Variants in TRIM2 observed in about 807,000 individuals in gnomAD.
TRIM2 encodes the protein tripartite motif containing 2, also known as tripartite motif-containing protein 2.
A neutral mutation model predicts 75.2 loss-of-function variants in TRIM2; 20 were observed. That is an observed-to-expected ratio of 0.27 (90% CI 0.19 to 0.39). TRIM2 has a LOEUF of 0.39. Ranked by LOEUF, TRIM2 falls within the 10% of genes least tolerant of loss-of-function variation. The pLI is 1.00. For missense variants in TRIM2, 660 were observed against 990.8 expected (o/e 0.67, Z 4.48); for synonymous variants, 373 against 388.3 (o/e 0.96, Z 0.46).
In TRIM2 at chr4:153,314,186, C is replaced by T. The variant is rs1035788016; in HGVS notation, c.1511-1299C>T. On this transcript the variant is annotated intron_variant, in intron 6 of 11. Transcript: ENST00000338700. The stretch of plus-strand genomic sequence containing the variant: ...CTATTCTTTTAAAAGAGAGTCTAGC[C>T]GAGGCGGGCGGATCACGAGGTCAGG... Among the ~76,000 whole-genome samples, 10 of 145,000 alleles carry T rather than the reference C, an allele frequency of 6.9e-5. 1 individual carries two copies. The highest frequency in any genetic ancestry group is 2.1e-4 in the South Asian group (1 of 4,826).
intron 1 of TRIM2, among the ~76,000 whole-genome samples, chr4:153,220,645 T>C (rs902309138): frequency 2.6e-5 from 4 of 152,250 alleles, no homozygotes; most frequent in Admixed American, 6.5e-5. Context: ...GTTCACAGTA[T>C]ATATACATTT....
At chr4:153,264,941 G>A (rs1044187605) in intron 1 of TRIM2, among the ~76,000 whole-genome samples, 17 of 152,132 alleles carry the variant, frequency 1.1e-4, no homozygotes, top group African/African-American at 3.6e-4. Flanking sequence ...TTAAATTAGT[G>A]TTAAGGAGTA....
In TRIM2 at chr4:153,189,577, A is replaced by G. The variant is rs755643758; in HGVS notation, c.-49+36307A>G. Among the ~76,000 whole-genome samples, 79 of 152,114 alleles carry G rather than the reference A, an allele frequency of 5.2e-4. 1 individual carries two copies. Among genetic ancestry groups the G allele is most frequent in the Non-Finnish European group, 9.4e-4 (64 of 68,028 alleles). ...TTCTCCTGCCTAATATCCCCTGTCC[A>G]CTATTCCACCCTACACGCCAGCTCG... On this transcript the variant is annotated intron_variant, in intron 1 of 11. Coordinates refer to the TRIM2 transcript ENST00000437508.
chr4:153,304,639 G>T (rs764673189), intron 6 of TRIM2, among the ~76,000 whole-genome samples: 7 of 152,114 alleles, frequency 4.6e-5, no homozygotes, highest in Admixed American at 1.3e-4. Context: ...CTGGGACTTT[G>T]TTCTCTGAAC....
intron 1 of TRIM2, among the ~76,000 whole-genome samples, chr4:153,205,916 C>G (rs1735291453): frequency 6.6e-6 from 1 of 152,194 alleles, no homozygotes; most frequent in Non-Finnish European, 1.5e-5. Flanking sequence ...CTGGTGCGGT[C>G]CTAGAGCCCT....
At chr4:153,253,000 G>T (rs529448849) in intron 1 of TRIM2, among the ~76,000 whole-genome samples, 15 of 152,314 alleles carry the variant, frequency 9.8e-5, no homozygotes, top group Non-Finnish European at 1.6e-4. Flanking sequence ...TGCACTAAGG[G>T]TTAGTGAATT....
At chr4:153,282,468 G>C (rs76738315) in intron 3 of TRIM2, among the ~76,000 whole-genome samples, 1,867 of 152,212 alleles carry the variant, frequency 0.012, 48 homozygotes, top group African/African-American at 0.042. Context: ...CAAGGCAGGA[G>C]GATCACTTGA....
At chr4:153,205,568 C>G (rs1453395743) in intron 1 of TRIM2, among the ~76,000 whole-genome samples, 1 of 151,946 alleles carries the variant, frequency 6.6e-6, no homozygotes, top group Non-Finnish European at 1.5e-5. Context: ...CTGGTGAGCC[C>G]CGTGGTGTGG....
chr4:153,282,913 C>T (rs986140243), intron 3 of TRIM2, among the ~76,000 whole-genome samples: 6 of 152,006 alleles, frequency 3.9e-5, no homozygotes, highest in South Asian at 2.1e-4. Context: ...TTCAGCCTCC[C>T]GAGTAACTGG....
chr4:153,161,471 C>T (rs187886921), intron 1 of TRIM2, among the ~76,000 whole-genome samples: 27 of 152,280 alleles, frequency 1.8e-4, no homozygotes, highest in African/African-American at 5.8e-4. Flanking sequence ...TTTGCAAAGT[C>T]GCTAGCTGTT....
At chr4:153,279,086 G>A (rs1164211253) in intron 3 of TRIM2, among the ~76,000 whole-genome samples, 3 of 152,194 alleles carry the variant, frequency 2.0e-5, no homozygotes, top group African/African-American at 7.2e-5. Context: ...TGGAGGAATG[G>A]GGTGGCAGAC....
chr4:153,320,002 G>C (rs1768584112), intron 8 of TRIM2, among the ~76,000 whole-genome samples: 1 of 151,984 alleles, frequency 6.6e-6, no homozygotes, highest in African/African-American at 2.4e-5. Context: ...ATATTATTTG[G>C]TTGAGTCATC....
chr4:153,212,280 TCAGAAA>T (rs1737246565), intron 1 of TRIM2, among the ~76,000 whole-genome samples: 1 of 151,936 alleles, frequency 6.6e-6, no homozygotes, highest in African/African-American at 2.4e-5. Context: ...GTGAAATGAG[TCAGAAA>T]CAGAAAGCCA....
chr4:153,215,727 T>A (rs7693298), intron 1 of TRIM2, among the ~76,000 whole-genome samples: 11,847 of 152,198 alleles, frequency 0.078, 1,411 homozygotes, highest in African/African-American at 0.26. Context: ...AACCCCTCCA[T>A]ATGGAATATA....
chr4:153,259,374 T>C (rs1752847385), intron 1 of TRIM2, among the ~76,000 whole-genome samples: 1 of 152,192 alleles, frequency 6.6e-6, no homozygotes, highest in Non-Finnish European at 1.5e-5. Context: ...TTCTCCATAC[T>C]TAGGGCTTTC....
intron 1 of TRIM2, among the ~76,000 whole-genome samples, chr4:153,170,702 T>C (rs993017085): frequency 2.6e-5 from 4 of 152,158 alleles, no homozygotes; most frequent in Non-Finnish European, 5.9e-5. Context: ...AGAGGCCCTG[T>C]ATATGATGTC....
chr4:153,265,117 T>C (rs1446699425), intron 1 of TRIM2, among the ~76,000 whole-genome samples: 3 of 151,920 alleles, frequency 2.0e-5, no homozygotes, highest in African/African-American at 4.8e-5. Context: ...TATCATTTGA[T>C]TAAAACAAAT....
chr4:153,208,787 T>C (rs6839865), intron 1 of TRIM2, among the ~76,000 whole-genome samples: 84,657 of 151,908 alleles, frequency 0.56, 23,979 homozygotes, highest in East Asian at 0.78. Context: ...GATGGAACAC[T>C]GCATCCATCC....
intron 1 of TRIM2, among the ~76,000 whole-genome samples, chr4:153,168,951 C>T (rs969975620): frequency 2.6e-5 from 4 of 152,134 alleles, no homozygotes; most frequent in African/African-American, 7.2e-5. Flanking sequence ...CATGTTGGCA[C>T]ATGCCTGTAG....
Sources: gnomAD v4.1 joint callset for allele counts (sites outside exome capture counted in the v4.1 genomes callset) on GRCh38, gnomAD v4.1.1 for gene constraint, MANE v1.5 for transcripts, NCBI Gene and HGNC (gene_info 2026-07-23, HGNC 2026-07-21) for gene names.